Variants in SH3BGRL2 observed in about 807,000 individuals in gnomAD.
The protein encoded by SH3BGRL2 is SH3 domain-binding glutamic acid-rich-like protein 2.
In SH3BGRL2, 21 loss-of-function variants were observed where a neutral mutation model predicts 14.8. The observed-to-expected ratio is 1.42, with a 90% confidence interval of 1.01 to 2.05. The LOEUF is 2.05. SH3BGRL2 is among the 30% of genes most tolerant of loss of function. SH3BGRL2 has a pLI of 0.00. For synonymous variants in SH3BGRL2, 50 were observed against 47.8 expected, an observed-to-expected ratio of 1.05 and a Z score of -0.19; for missense variants, 147 against 130.8, an observed-to-expected ratio of 1.12 and a Z score of -0.61.
At chr6:79,549,341 C>T in the SH3BGRL2 span, among the ~76,000 whole-genome samples, 1 of 152,152 alleles carries the variant, frequency 6.6e-6, no homozygotes, top group Non-Finnish European at 1.5e-5. Flanking sequence ...TCAGAGGCAA[C>T]ATTTGCAAAG....
Position 79,699,814 on chromosome 6 carries a change from C to T in SH3BGRL2, c.*305C>T, listed in dbSNP as rs1182711957. 1.9e-5 allele frequency: 7 copies of T among 367,746 alleles called. No individual in the cohort carries two copies. Among genetic ancestry groups the T allele is most frequent in the Non-Finnish European group, 4.8e-6 (1 of 208,268 alleles). 22.8% of individuals were successfully genotyped at this position (367,746 alleles called of 1,614,324 possible). Reference sequence around the variant, plus strand: ...TGACTGAAAGATAAGTGGGTAGCACCGTCAGAGAGAAAATGTTGGATCTGC... The same window carrying T: ...TGACTGAAAGATAAGTGGGTAGCACTGTCAGAGAGAAAATGTTGGATCTGC... On this transcript the variant is annotated 3_prime_UTR_variant, in exon 4 of 4. Transcript: ENST00000369838.
chr6:79,597,093 G>T, the SH3BGRL2 span, among the ~76,000 whole-genome samples: 5 of 152,060 alleles, frequency 3.3e-5, no homozygotes, highest in Non-Finnish European at 7.4e-5. Context: ...AGCCAAGTGT[G>T]GTGGCAGGCA....
At chr6:79,647,327 TC>T (rs1217757688) in intron 1 of SH3BGRL2, among the ~76,000 whole-genome samples, 1 of 152,094 alleles carries the variant, frequency 6.6e-6, no homozygotes, top group Non-Finnish European at 1.5e-5. Context: ...GTTGTGGGTA[TC>T]TTTTTTTTTA....
the SH3BGRL2 span, among the ~76,000 whole-genome samples, chr6:79,619,391 C>T: frequency 6.6e-6 from 1 of 152,078 alleles, no homozygotes; most frequent in Non-Finnish European, 1.5e-5. Flanking sequence ...ACATACATAC[C>T]TTCCTCATTC....
At chr6:79,613,831 C>G in the SH3BGRL2 span, among the ~76,000 whole-genome samples, 1 of 152,148 alleles carries the variant, frequency 6.6e-6, no homozygotes, top group Non-Finnish European at 1.5e-5. Context: ...TGGTCTTGAA[C>G]TCTTGAACTC....
chr6:79,693,913 G>C (rs929685813), intron 2 of SH3BGRL2, among the ~76,000 whole-genome samples: 5 of 152,166 alleles, frequency 3.3e-5, no homozygotes, highest in Non-Finnish European at 4.4e-5. Flanking sequence ...AAATTGAGAG[G>C]CTTAAGGGAT....
intron 1 of SH3BGRL2, among the ~76,000 whole-genome samples, chr6:79,637,464 AG>A (rs1768947849): frequency 6.6e-6 from 1 of 152,030 alleles, no homozygotes; most frequent in Non-Finnish European, 1.5e-5. Flanking sequence ...AGGCTGAGGC[AG>A]GTGGATCACG....
At chr6:79,550,736 T>C in the SH3BGRL2 span, among the ~76,000 whole-genome samples, 4 of 152,154 alleles carry the variant, frequency 2.6e-5, no homozygotes, top group African/African-American at 9.7e-5. Flanking sequence ...ATAGCCGTCA[T>C]AGGAGATGCC....
chr6:79,639,375 A>G (rs1057274391), intron 1 of SH3BGRL2, among the ~76,000 whole-genome samples: 4 of 152,120 alleles, frequency 2.6e-5, no homozygotes, highest in Non-Finnish European at 5.9e-5. Context: ...GATCTCTTGA[A>G]CTCAGGAGCT....
chr6:79,618,393 G>C, the SH3BGRL2 span, among the ~76,000 whole-genome samples: 2 of 152,060 alleles, frequency 1.3e-5, no homozygotes, highest in Non-Finnish European at 2.9e-5. Context: ...TCATTCTTTG[G>C]GCATTTTTTG....
chr6:79,551,962 G>A, the SH3BGRL2 span, among the ~76,000 whole-genome samples: 1 of 152,146 alleles, frequency 6.6e-6, no homozygotes, highest in African/African-American at 2.4e-5. Flanking sequence ...GTGGTGGTGG[G>A]CACCTGTATT....
the SH3BGRL2 span, among the ~76,000 whole-genome samples, chr6:79,602,467 A>G: frequency 1.3e-5 from 2 of 152,216 alleles, no homozygotes; most frequent in Non-Finnish European, 2.9e-5. Context: ...CAAGTGCAGA[A>G]ACCCAAAGTG....
At chr6:79,574,349 C>T in the SH3BGRL2 span, 1 of 152,136 alleles carries the variant, frequency 6.6e-6, no homozygotes, top group African/African-American at 2.4e-5. Context: ...GCCTTCTCTC[C>T]AGAAATCAAT....
the SH3BGRL2 span, among the ~76,000 whole-genome samples, chr6:79,619,282 T>G: frequency 5.6e-4 from 85 of 152,292 alleles, no homozygotes; most frequent in Middle Eastern, 0.02. Context: ...TTCCTTCCCT[T>G]CTTACACAAA....
intron 3 of SH3BGRL2, among the ~76,000 whole-genome samples, chr6:79,699,071 T>G (rs1770390552): frequency 5.0e-5 from 7 of 141,046 alleles, no homozygotes; most frequent in South Asian, 2.4e-4. Flanking sequence ...AGGGGGAGGG[T>G]GCGCAGGGGT....
chr6:79,607,185 C>T, the SH3BGRL2 span, among the ~76,000 whole-genome samples: 1 of 152,202 alleles, frequency 6.6e-6, no homozygotes, highest in African/African-American at 2.4e-5. Context: ...GCTGGTCCTA[C>T]AATTTTCTGC....
At chr6:79,692,851 G>A (rs1770252696) in intron 2 of SH3BGRL2, among the ~76,000 whole-genome samples, 1 of 152,060 alleles carries the variant, frequency 6.6e-6, no homozygotes, top group Admixed American at 6.5e-5. Flanking sequence ...CTCTTTTTTG[G>A]TTCCATATGA....
intron 2 of SH3BGRL2, among the ~76,000 whole-genome samples, chr6:79,690,019 T>G (rs1283488308): frequency 2.6e-5 from 4 of 151,776 alleles, no homozygotes; most frequent in Non-Finnish European, 5.9e-5. Flanking sequence ...TCCGTCACTC[T>G]GTCACCCATG....
In SH3BGRL2 at chr6:79,696,549, C is replaced by T. The variant is rs61761897; in HGVS notation, c.296C>T (p.Pro99Leu). The T allele has an allele frequency of 1.9e-4, 296 of 1,567,782 alleles. No individual in the cohort carries two copies. Among genetic ancestry groups the T allele is most frequent in the Non-Finnish European group, 2.4e-4 (281 of 1,165,928 alleles). ...GTCTTTTCATTTTTAGGCCTGAAAC[C>T]ACGGTTGGCATCAAAGGTAGGTAAA... ...NTVFSFLGLK[P>L]RLASKAEP The change falls in exon 3 of 4, where the codon CCA (proline) becomes CTA (leucine). Residue 99 changes from proline (P) to leucine (L), a missense_variant. Pro to Leu is a moderately conservative substitution (Grantham distance 98). Coordinates refer to ENST00000369838, the MANE Select transcript of SH3BGRL2 (RefSeq NM_031469.4).
Sources: allele counts gnomAD v4.1 joint callset (sites outside exome capture counted in the v4.1 genomes callset), GRCh38; gene constraint gnomAD v4.1.1; transcripts MANE v1.5; gene names NCBI Gene and HGNC (gene_info 2026-07-23, HGNC 2026-07-21).